Variants in BANK1 observed in about 807,000 individuals in gnomAD.
BANK1 encodes B cell scaffold protein with ankyrin repeats 1.
BANK1 carries 95 observed loss-of-function variants against 94.5 expected under a neutral mutation model. The ratio of observed to expected loss-of-function variants is 1.00; its 90% CI spans 0.85 to 1.19. The LOEUF is 1.19. Among genes scored for constraint, BANK1 ranks in the 50% most tolerant of loss-of-function variants. The pLI is 0.00. For synonymous variants in BANK1, 334 were observed against 308.4 expected (o/e 1.08, Z -0.87); for missense variants, 987 against 932.2 (o/e 1.06, Z -0.77).
At chr4:101,932,937 T>C (rs1272582665) in intron 7 of BANK1, among the ~76,000 whole-genome samples, 5 of 151,548 alleles carry the variant, frequency 3.3e-5, no homozygotes, top group African/African-American at 9.7e-5. Flanking sequence ...CAAAGGTGTT[T>C]ATATAGGGCT....
rs201776580 is a variant in BANK1, at chr4:101,986,871, G to GTATATATA, written c.1207-34640_1207-34639insATATATAT. Among the ~76,000 whole-genome samples the GTATATATA allele has an allele frequency of 6.2e-3, 306 of 49,556 alleles. 3 individuals carry two copies. The highest frequency in any genetic ancestry group is 0.01 in the Middle Eastern group (1 of 96). The allele number at this position is 49,556 out of a possible 152,430, so 32.5% of individuals were successfully genotyped here. A position where few individuals can be genotyped will look rare whatever the true frequency, so the allele number is the denominator to read the frequency against. On this transcript the variant is annotated intron_variant, in intron 7 of 16. Transcript: ENST00000322953. The stretch of plus-strand genomic sequence containing the variant: ...TATATATATGTATATATATATGTGT[G>GTATATATA]TATGTGTGTGTGTGTGTGTGTGTGT...
intron 1 of BANK1, among the ~76,000 whole-genome samples, chr4:101,821,069 A>G (rs1401620955): frequency 6.6e-6 from 1 of 152,060 alleles, no homozygotes; most frequent in Non-Finnish European, 1.5e-5. Context: ...TCCCACCAAC[A>G]CTGTATAAGT....
intron 4 of BANK1, among the ~76,000 whole-genome samples, chr4:101,867,354 A>G (rs1309896647): frequency 6.6e-6 from 1 of 152,032 alleles, no homozygotes; most frequent in Admixed American, 6.6e-5. Context: ...GGATTTTTTC[A>G]AACAGAAAAA....
At chr4:101,977,327 G>A (rs902924815) in intron 7 of BANK1, among the ~76,000 whole-genome samples, 9 of 152,122 alleles carry the variant, frequency 5.9e-5, no homozygotes, top group African/African-American at 2.2e-4. Context: ...CAGGCACATG[G>A]CCAAGCCTAA....
chr4:102,071,636 T>C (rs1728766323), intron 14 of BANK1, among the ~76,000 whole-genome samples: 1 of 152,178 alleles, frequency 6.6e-6, no homozygotes, highest in South Asian at 2.1e-4. Context: ...TAGATAAGCA[T>C]TGTACCATGG....
chr4:101,863,276 C>A (rs1002858811), intron 4 of BANK1, among the ~76,000 whole-genome samples: 3 of 151,868 alleles, frequency 2.0e-5, no homozygotes, highest in Non-Finnish European at 4.4e-5. Flanking sequence ...GTATTAAAAT[C>A]AAAATCTAAT....
intron 1 of BANK1, among the ~76,000 whole-genome samples, chr4:101,825,607 T>C (rs1048789856): frequency 6.6e-6 from 1 of 152,008 alleles, no homozygotes; most frequent in African/African-American, 2.4e-5. Flanking sequence ...AAAATAAGAC[T>C]AACAGGACCA....
At chr4:102,071,202 A>G in intron 13 of BANK1, 73 bp from the exon 14 acceptor site, 2 of 1,516,632 alleles carry the variant, frequency 1.3e-6, no homozygotes, top group Non-Finnish European at 1.8e-6. Flanking sequence ...CCAACAATTA[A>G]AAAAATAAGA....
intron 7 of BANK1, among the ~76,000 whole-genome samples, chr4:101,950,933 A>G (rs1404283381): frequency 1.3e-5 from 2 of 152,144 alleles, no homozygotes; most frequent in Non-Finnish European, 2.9e-5. Flanking sequence ...ACAATACCTG[A>G]CCAGCAGTCC....
chr4:101,887,617 C>A (rs1009206215), intron 5 of BANK1, among the ~76,000 whole-genome samples: 1 of 152,162 alleles, frequency 6.6e-6, no homozygotes, highest in African/African-American at 2.4e-5. Flanking sequence ...AGTCCTGGAG[C>A]AGGCATTTAA....
chr4:101,829,711 A>C, intron 1 of BANK1, 97 bp from the exon 2 acceptor site: 1 of 678,000 alleles, frequency 1.5e-6, no homozygotes, highest in Non-Finnish European at 2.3e-6. Flanking sequence ...AAGCAAATTA[A>C]TATATTGCCT....
intron 7 of BANK1, among the ~76,000 whole-genome samples, chr4:101,962,165 A>C (rs552299721): frequency 1.3e-5 from 2 of 152,104 alleles, no homozygotes; most frequent in African/African-American, 4.8e-5. Context: ...CAATAACTCT[A>C]TGTCAATCAC....
intron 7 of BANK1, among the ~76,000 whole-genome samples, chr4:102,002,583 AC>A (rs1726117024): frequency 6.6e-6 from 1 of 151,272 alleles, no homozygotes; most frequent in African/African-American, 2.4e-5. Context: ...ACACACACAC[AC>A]ACACATATAT....
intron 7 of BANK1, among the ~76,000 whole-genome samples, chr4:101,958,859 G>T (rs953405949): frequency 6.6e-6 from 1 of 152,188 alleles, no homozygotes; most frequent in Admixed American, 6.5e-5. Flanking sequence ...GACAGTGCAG[G>T]TATTTTGGGA....
At chr4:102,018,832 T>C (rs1276847797) in intron 7 of BANK1, among the ~76,000 whole-genome samples, 1 of 150,784 alleles carries the variant, frequency 6.6e-6, no homozygotes, top group Admixed American at 6.6e-5. Flanking sequence ...TTTTTTTTTT[T>C]TTTTGAGACA....
chr4:102,009,681 G>A (rs1027451234), intron 7 of BANK1, among the ~76,000 whole-genome samples: 2 of 151,806 alleles, frequency 1.3e-5, no homozygotes, highest in Non-Finnish European at 2.9e-5. Flanking sequence ...GCCTTTTTTC[G>A]GTTCATTAAA....
At chr4:101,936,858 G>A (rs1723583002) in intron 7 of BANK1, among the ~76,000 whole-genome samples, 1 of 151,582 alleles carries the variant, frequency 6.6e-6, no homozygotes, top group African/African-American at 2.4e-5. Context: ...CACTGTTGGT[G>A]GGAATGTAGA....
chr4:101,981,957 G>C (rs1433654736), intron 7 of BANK1: 1 of 152,144 alleles, frequency 6.6e-6, no homozygotes, highest in Non-Finnish European at 1.5e-5. Flanking sequence ...ATGTGGTAGG[G>C]TGTGTGTGGG....
intron 6 of BANK1, among the ~76,000 whole-genome samples, chr4:101,907,353 A>G (rs1205348093): frequency 1.3e-5 from 2 of 152,240 alleles, no homozygotes; most frequent in Non-Finnish European, 2.9e-5. Context: ...AAAATTCAAC[A>G]GCACTTCATG....
Sources: allele counts gnomAD v4.1 joint callset (sites outside exome capture counted in the v4.1 genomes callset), GRCh38; gene constraint gnomAD v4.1.1; transcripts MANE v1.5; gene names NCBI Gene and HGNC (gene_info 2026-07-23, HGNC 2026-07-21).